Variants in ZNF215 observed in about 807,000 individuals in gnomAD.
The protein encoded by ZNF215 is BWSCR2-associated zinc finger protein 2.
A neutral mutation model predicts 27.2 loss-of-function variants in ZNF215; 24 were observed. The ratio of observed to expected loss-of-function variants is 0.88; its 90% CI spans 0.64 to 1.24. The LOEUF (loss-of-function observed/expected upper bound fraction) is 1.24. Among genes scored for constraint, ZNF215 ranks in the 50% most tolerant of loss-of-function variants. The probability of loss-of-function intolerance (pLI) is 0.00; values close to 1 mark genes in which losing one functional copy is unlikely to be tolerated. For missense variants in ZNF215, 675 were observed against 605.7 expected, an observed-to-expected ratio of 1.11 and a Z score of -1.20; for synonymous variants, 210 against 204.0, an observed-to-expected ratio of 1.03 and a Z score of -0.25.
intron 5 of ZNF215, among the ~76,000 whole-genome samples, chr11:6,964,672 GTCT>G (rs758474024): frequency 2.0e-5 from 3 of 149,854 alleles, no homozygotes; most frequent in Non-Finnish European, 4.4e-5. Context: ...GATCATGTAA[GTCT>G]TCTTAGGTCT....
At chr11:6,930,342 G>A (rs958187514) in intron 2 of ZNF215, among the ~76,000 whole-genome samples, 2 of 152,074 alleles carry the variant, frequency 1.3e-5, no homozygotes, top group African/African-American at 4.8e-5. Flanking sequence ...ACTAATTTAT[G>A]TATATATACA....
intron 5 of ZNF215, among the ~76,000 whole-genome samples, chr11:6,978,254 A>T (rs1850874411): frequency 6.6e-6 from 1 of 152,074 alleles, no homozygotes; most frequent in Non-Finnish European, 1.5e-5. Context: ...CTATACATGC[A>T]ACATGGATGA....
intron 6 of ZNF215, among the ~76,000 whole-genome samples, chr11:6,944,710 C>T (rs897573792): frequency 3.3e-5 from 5 of 151,532 alleles, no homozygotes; most frequent in African/African-American, 1.2e-4. Flanking sequence ...ATTTTTTAAG[C>T]CATTTTCTTT....
chr11:6,945,082 A>G (rs146764845), intron 6 of ZNF215, among the ~76,000 whole-genome samples: 185 of 152,300 alleles, frequency 1.2e-3, no homozygotes, highest in African/African-American at 4.4e-3. Flanking sequence ...TAAATTGTCT[A>G]CAGAAAGGTT....
rs1199252559 is a variant in ZNF215 at position 6,943,085 on chromosome 11, A to G, written c.486A>G (p.Glu162=). The change falls in exon 5 of 7, where the codon GAA becomes GAG. Residue 162 remains glutamate, a splice_region_variant and synonymous_variant. Transcript: ENST00000278319. ...TAAAAAGGAACTTAATGTTTTAGGA[A>G]CCAGTGACATTCAAAGATGTGGTTG... ...KAGSRTGKPQ[E]PVTFKDVVVE... 3.7e-6 allele frequency: 6 copies of G among 1,611,316 alleles called. No homozygotes were observed. In the African/African-American group the frequency reaches 6.7e-5, roughly 18 times the overall value.
intron 4 of ZNF215, 81 bp from the exon 5 acceptor site, chr11:6,943,002 C>G: frequency 6.5e-7 from 1 of 1,547,316 alleles, no homozygotes; most frequent in Non-Finnish European, 8.7e-7. Flanking sequence ...TGGCTCCTAC[C>G]CTATTCCTTC....
At chr11:6,943,329 T>C in intron 5 of ZNF215, 114 bp downstream of exon 5, 2 of 1,456,156 alleles carry the variant, frequency 1.4e-6, no homozygotes, top group South Asian at 2.8e-5. Context: ...TGAGGTTTGC[T>C]AATATCCTTT....
intron 6 of ZNF215, among the ~76,000 whole-genome samples, chr11:6,948,235 A>G (rs545341411): frequency 6.6e-6 from 1 of 152,230 alleles, no homozygotes. Flanking sequence ...ACTCTCTCAT[A>G]ATAAGACCCC....
chr11:6,976,955 A>T (rs1254583360), intron 5 of ZNF215, among the ~76,000 whole-genome samples: 5 of 151,994 alleles, frequency 3.3e-5, no homozygotes, highest in Admixed American at 3.3e-4. Context: ...TGTCTCTAGA[A>T]GGTCTGGGGA....
intron 2 of ZNF215, among the ~76,000 whole-genome samples, chr11:6,928,408 A>G (rs1849136071): frequency 6.6e-6 from 1 of 152,182 alleles, no homozygotes; most frequent in Non-Finnish European, 1.5e-5. Flanking sequence ...AAATGTTTCA[A>G]GTATGTTGTA....
chr11:6,965,666 T>C (rs1231914173), intron 5 of ZNF215, among the ~76,000 whole-genome samples: 1 of 152,198 alleles, frequency 6.6e-6, no homozygotes, highest in Non-Finnish European at 1.5e-5. Context: ...ACATTTTTAG[T>C]ACATTATAAA....
downstream of ZNF215, chr11:6,958,124 G>T (rs923835465): frequency 2.1e-6 from 2 of 947,660 alleles, no homozygotes; most frequent in Non-Finnish European, 2.5e-6. Context: ...ATAGAAATTC[G>T]TATAAACAAG....
At position 6,956,379 on chromosome 11, in the gene ZNF215, G is replaced by A. The variant is rs200759402; in HGVS notation, c.1402G>A (p.Gly468Arg). 230 of 1,613,952 alleles carry A rather than the reference G, an allele frequency of 1.4e-4. No homozygotes were observed. Among genetic ancestry groups the A allele is most frequent in the Non-Finnish European group, 1.9e-4 (228 of 1,180,024 alleles). Residue 468 changes from glycine to arginine, a missense_variant, in exon 7 of 7, where the codon GGA becomes AGA. Physicochemically the swap from Gly to Arg is moderately radical, Grantham distance 125. Transcript: ENST00000278319. ...CAATTTCTATCAATGTGTTAACTGT[G>A]GAAAATCCTTCAACCGGAGCTCCTC... is the stretch of plus-strand genomic sequence containing the variant. ...GNNFYQCVNC[G>R]KSFNRSSSLI...
At chr11:6,990,719 A>C (rs988166496), downstream of ZNF215, among the ~76,000 whole-genome samples, 4 of 152,236 alleles carry the variant, frequency 2.6e-5, no homozygotes, top group Non-Finnish European at 5.9e-5. Context: ...ACCTAATTCT[A>C]ATTTGTCAAT....
At chr11:6,962,425 G>A (rs1489454359), downstream of ZNF215, among the ~76,000 whole-genome samples, 1 of 152,106 alleles carries the variant, frequency 6.6e-6, no homozygotes, top group Non-Finnish European at 1.5e-5. Context: ...GAGAATAGAG[G>A]ATATCTGGTA....
At position 6,932,309 on chromosome 11, in the gene ZNF215, C is replaced by A. The variant is rs749614192; in HGVS notation, c.37C>A (p.Pro13Thr). The A allele has an allele frequency of 1.2e-6, 2 of 1,614,054 alleles. No individual in the cohort carries two copies. Among genetic ancestry groups the A allele is most frequent in the South Asian group, 2.2e-5 (2 of 91,070 alleles). ...PLSKLMAISK[P>T]RNLSLREQRE... ...GAGCAAGTTGATGGCTATCTCAAAA[C>A]CTCGAAACCTGTCTCTACGTGAACA... Residue 13 changes from proline (P) to threonine (T), a missense_variant, in exon 3 of 7, where the codon CCT becomes ACT. Coordinates refer to ENST00000278319, the MANE Select transcript of ZNF215 (RefSeq NM_013250.4).
In ZNF215 at chr11:6,941,653, G is replaced by A; in HGVS notation, c.483G>A (p.Gln161=). 2 of 1,613,820 alleles carry A rather than the reference G, an allele frequency of 1.2e-6. No individual in the cohort carries two copies. The highest frequency in any genetic ancestry group is 2.2e-5 in the East Asian group (1 of 44,842). The stretch of plus-strand genomic sequence containing the variant: ...CTGGCTCACGAACAGGCAAACCACA[G>A]GTGAATTAGGATTCTAGTCTTTACT... ...MKAGSRTGKP[Q]EPVTFKDVVV... is the part of the protein sequence containing the mutation. Residue 161 remains glutamine (Q), a splice_region_variant and synonymous_variant, in exon 4 of 7, where the codon CAG becomes CAA. Transcript: ENST00000278319.
intron 6 of ZNF215, among the ~76,000 whole-genome samples, chr11:6,944,072 G>A (rs543749805): frequency 2.6e-5 from 4 of 152,152 alleles, no homozygotes; most frequent in Admixed American, 6.5e-5. Flanking sequence ...TCAGGAGATC[G>A]AGACCATCCT....
At chr11:6,952,963 G>A (rs1850140963) in intron 6 of ZNF215, among the ~76,000 whole-genome samples, 2 of 152,178 alleles carry the variant, frequency 1.3e-5, no homozygotes, top group South Asian at 4.2e-4. Context: ...TTGCTTGTCT[G>A]TGAAGTATTT....
Sources: allele counts gnomAD v4.1 joint callset (sites outside exome capture counted in the v4.1 genomes callset), GRCh38; gene constraint gnomAD v4.1.1; transcripts MANE v1.5; gene names NCBI Gene and HGNC (gene_info 2026-07-23, HGNC 2026-07-21).